The following SCFD2 variants were observed in gnomAD, a reference collection of about 807,000 sequenced individuals.
SCFD2 encodes the protein sec1 family domain containing 2.
Under a neutral mutation model 58.9 loss-of-function variants are expected in SCFD2, and 54 were observed. The observed-to-expected ratio is 0.92, with a 90% CI of 0.74 to 1.15. SCFD2 has a LOEUF of 1.15. Among genes scored for constraint, SCFD2 ranks in the 50% most tolerant of loss-of-function variants. SCFD2 has a pLI of 0.00. For missense variants in SCFD2, 805 were observed against 836.6 expected (o/e 0.96, Z 0.47); for synonymous variants, 321 against 335.9 (o/e 0.96, Z 0.49).
At chr4:53,130,464 A>T (rs1023213828) in intron 5 of SCFD2, among the ~76,000 whole-genome samples, 5 of 152,172 alleles carry the variant, frequency 3.3e-5, no homozygotes, top group Admixed American at 2.0e-4. Flanking sequence ...TAGTTTTTGT[A>T]CATTGGTATC....
At chr4:52,911,733 C>T (rs569093066) in intron 6 of SCFD2, among the ~76,000 whole-genome samples, 2 of 152,294 alleles carry the variant, frequency 1.3e-5, no homozygotes, top group Admixed American at 1.3e-4. Context: ...TTTGAAATAA[C>T]ATTTTCTATG....
chr4:53,299,761 C>G (rs909917614), intron 3 of SCFD2, among the ~76,000 whole-genome samples: 1 of 152,172 alleles, frequency 6.6e-6, no homozygotes. Flanking sequence ...GCCAGAAACT[C>G]TACAAGCCAG....
chr4:52,914,167 A>C (rs2109478397), intron 6 of SCFD2, among the ~76,000 whole-genome samples: 1 of 152,372 alleles, frequency 6.6e-6, no homozygotes, highest in African/African-American at 2.4e-5. Context: ...CAAACTATGC[A>C]GCCAGGCAAG....
intron 4 of SCFD2, among the ~76,000 whole-genome samples, chr4:53,163,319 C>G (rs888179894): frequency 6.6e-5 from 10 of 152,178 alleles, no homozygotes; most frequent in Non-Finnish European, 1.5e-4. Context: ...TTTCCTTTCT[C>G]TCACTTTGGT....
intron 8 of SCFD2, among the ~76,000 whole-genome samples, chr4:52,883,134 C>T (rs568525941): frequency 6.8e-4 from 104 of 152,332 alleles, no homozygotes; most frequent in Non-Finnish European, 1.2e-3. Flanking sequence ...GGAACTAGCA[C>T]GCATCCCACT....
At chr4:52,879,804 C>T (rs1258997265) in intron 8 of SCFD2, among the ~76,000 whole-genome samples, 1 of 152,186 alleles carries the variant, frequency 6.6e-6, no homozygotes, top group East Asian at 1.9e-4. Context: ...CAGGGAAGTC[C>T]AGGATTTACA....
intron 5 of SCFD2, among the ~76,000 whole-genome samples, chr4:52,998,758 G>C (rs1490000005): frequency 3.9e-5 from 6 of 152,050 alleles, no homozygotes; most frequent in Non-Finnish European, 8.8e-5. Context: ...AAAAACAAGA[G>C]TGATGCTTCA....
chr4:52,877,586 G>A (rs2109438923), intron 8 of SCFD2, among the ~76,000 whole-genome samples: 1 of 152,362 alleles, frequency 6.6e-6, no homozygotes, highest in Admixed American at 6.5e-5. Flanking sequence ...GAGGATCAAT[G>A]TGAACATCTT....
intron 4 of SCFD2, among the ~76,000 whole-genome samples, chr4:53,263,607 C>T (rs1360520691): frequency 6.6e-6 from 1 of 152,202 alleles, no homozygotes; most frequent in Admixed American, 6.5e-5. Context: ...GATCCATCTT[C>T]AGGTCTTTCG....
chr4:52,986,899 T>C (rs1232586109), intron 5 of SCFD2, among the ~76,000 whole-genome samples: 3 of 152,244 alleles, frequency 2.0e-5, no homozygotes, highest in Non-Finnish European at 2.9e-5. Flanking sequence ...AGCCATATGA[T>C]ACTGACAATA....
intron 3 of SCFD2, among the ~76,000 whole-genome samples, chr4:53,281,045 C>T (rs1038957872): frequency 6.6e-6 from 1 of 152,192 alleles, no homozygotes; most frequent in Admixed American, 6.5e-5. Context: ...CTTGGCTCTG[C>T]GGCCGTGCGC....
At chr4:53,342,065 C>A (rs969651477) in intron 2 of SCFD2, among the ~76,000 whole-genome samples, 2 of 152,114 alleles carry the variant, frequency 1.3e-5, no homozygotes, top group African/African-American at 4.8e-5. Flanking sequence ...GACAAAATAA[C>A]CAGCTAACGT....
chr4:53,094,815 A>G (rs928456286), intron 5 of SCFD2, among the ~76,000 whole-genome samples: 1 of 151,932 alleles, frequency 6.6e-6, no homozygotes, highest in African/African-American at 2.4e-5. Flanking sequence ...GTCCATATTC[A>G]CTGTCTCAAA....
intron 1 of SCFD2, among the ~76,000 whole-genome samples, chr4:53,361,460 G>C (rs115086713): frequency 0.016 from 2,457 of 152,292 alleles, 73 homozygotes; most frequent in African/African-American, 0.056. Flanking sequence ...GCAATGGCAC[G>C]ATCACAGCTT....
At chr4:53,236,699 A>G (rs1354115478) in intron 4 of SCFD2, among the ~76,000 whole-genome samples, 2 of 150,700 alleles carry the variant, frequency 1.3e-5, no homozygotes, top group Non-Finnish European at 3.0e-5. Context: ...AAAAATAAGC[A>G]AATACAGTAA....
At chr4:53,146,460 T>A (rs531218231) in intron 4 of SCFD2, among the ~76,000 whole-genome samples, 3 of 152,332 alleles carry the variant, frequency 2.0e-5, no homozygotes, top group African/African-American at 7.2e-5. Flanking sequence ...AAATTGAATA[T>A]CATATTCAAA....
At chr4:53,300,611 T>G (rs1357425286) in intron 3 of SCFD2, among the ~76,000 whole-genome samples, 1 of 152,182 alleles carries the variant, frequency 6.6e-6, no homozygotes, top group Non-Finnish European at 1.5e-5. Flanking sequence ...AATAGACATC[T>G]ACAGAACTCT....
At chr4:53,192,807 C>T (rs1467691755) in intron 4 of SCFD2, among the ~76,000 whole-genome samples, 2 of 151,884 alleles carry the variant, frequency 1.3e-5, no homozygotes, top group African/African-American at 2.4e-5. Context: ...AGTAAGTGTA[C>T]TAATAGGATA....
intron 5 of SCFD2, among the ~76,000 whole-genome samples, chr4:53,038,317 C>A (rs771542752): frequency 2.6e-5 from 4 of 152,144 alleles, no homozygotes; most frequent in Non-Finnish European, 5.9e-5. Context: ...TTTCATGAGT[C>A]TGAGGAGGGT....
Sources: gnomAD v4.1 joint callset for allele counts (sites outside exome capture counted in the v4.1 genomes callset) on GRCh38, gnomAD v4.1.1 for gene constraint, MANE v1.5 for transcripts, NCBI Gene and HGNC (gene_info 2026-07-23, HGNC 2026-07-21) for gene names.